Variants in NSL1 observed in about 807,000 individuals in gnomAD.
NSL1 encodes the protein NSL1 component of MIS12 kinetochore complex, also known as kinetochore-associated protein NSL1 homolog.
NSL1 carries 11 observed loss-of-function variants against 25.4 expected under a neutral mutation model. The ratio of observed to expected loss-of-function variants is 0.43; its 90% CI spans 0.27 to 0.72. NSL1 has a LOEUF of 0.72. NSL1 is among the 30% of genes least tolerant of loss of function. The pLI is 0.19. For missense variants in NSL1, 330 were observed against 342.7 expected, an observed-to-expected ratio of 0.96 and a Z score of 0.29; for synonymous variants, 118 against 120.6, an observed-to-expected ratio of 0.98 and a Z score of 0.14.
rs75330950 is a variant in NSL1 at position 212,787,007 on chromosome 1, T to C, written c.313+552A>G. Among the ~76,000 whole-genome samples, 859 of 146,062 alleles carry C rather than the reference T, an allele frequency of 5.9e-3. 10 individuals are homozygous for C. Among genetic ancestry groups the C allele is most frequent in the African/African-American group, 0.021 (819 of 39,412 alleles). On this transcript the variant is annotated intron_variant, in intron 2 of 5. Transcript: ENST00000366977. ...ATGAAACCCTGTCCTCTACCAAAAA[T>C]ACAAGTTAGCCAGGCGTGGTGGCCA...
intron 4 of NSL1, among the ~76,000 whole-genome samples, chr1:212,779,056 C>CG (rs1055158921): frequency 1.3e-5 from 2 of 149,758 alleles, no homozygotes; most frequent in African/African-American, 4.9e-5. Context: ...CGGCCACGAC[C>CG]CCATCTAGGA....
intron 4 of NSL1, among the ~76,000 whole-genome samples, chr1:212,751,390 G>T (rs1378024873): frequency 6.6e-6 from 1 of 152,152 alleles, no homozygotes; most frequent in Non-Finnish European, 1.5e-5. Context: ...AATGTATCTA[G>T]ACTTGAATAA....
intron 4 of NSL1, among the ~76,000 whole-genome samples, chr1:212,762,930 A>C (rs56243109): frequency 0.18 from 28,027 of 152,108 alleles, 2,989 homozygotes; most frequent in African/African-American, 0.3. Context: ...TTTGCGATAT[A>C]ATCTTGAGTA....
chr1:212,785,716 T>C (rs955246682), intron 2 of NSL1, among the ~76,000 whole-genome samples: 2 of 152,080 alleles, frequency 1.3e-5, no homozygotes, highest in African/African-American at 4.8e-5. Flanking sequence ...TTTTAAAGAG[T>C]AAAAATACTA....
chr1:212,729,131 G>A lies in NSL1; in HGVS notation c.*9277C>T, dbSNP rs909404490. On this transcript the variant is annotated 3_prime_UTR_variant, in exon 6 of 6. Coordinates refer to ENST00000366977, the MANE Select transcript of NSL1 (RefSeq NM_015471.4). ...TACAGGAATATATTAGTGTTCCATCGTAGTTTCTAAAACCAGACAAAATCA... is the reference window on the plus strand; with the variant it reads ...TACAGGAATATATTAGTGTTCCATCATAGTTTCTAAAACCAGACAAAATCA... The A allele has an allele frequency of 7.1e-6, 7 of 985,402 alleles. No individual in the cohort carries two copies. The highest frequency in any genetic ancestry group is 7.0e-5 in the African/African-American group (4 of 57,340). The allele number at this position is 985,402 out of a possible 1,614,324, so 61.0% of individuals were successfully genotyped here.
chr1:212,755,142 G>T (rs1318412717), intron 4 of NSL1, among the ~76,000 whole-genome samples: 1 of 152,074 alleles, frequency 6.6e-6, no homozygotes, highest in Non-Finnish European at 1.5e-5. Context: ...TCAGGGAGAG[G>T]AATTTACTGC....
At chr1:212,789,393 G>A (rs996250034) in intron 1 of NSL1, among the ~76,000 whole-genome samples, 7 of 152,098 alleles carry the variant, frequency 4.6e-5, no homozygotes, top group African/African-American at 9.7e-5. Context: ...TGTATTTTTA[G>A]TATAGACAGG....
intron 4 of NSL1, among the ~76,000 whole-genome samples, chr1:212,772,012 C>T (rs1311019165): frequency 6.6e-6 from 1 of 152,146 alleles, no homozygotes; most frequent in African/African-American, 2.4e-5. Context: ...TGAATAAATT[C>T]TCATGAGATC....
intron 4 of NSL1, chr1:212,766,143 AAAAAAC>A (rs1470043289): frequency 5.8e-5 from 31 of 533,404 alleles, no homozygotes; most frequent in East Asian, 1.3e-4. Context: ...CTCAAAAAAA[AAAAAAC>A]AAAAAAACCC....
chr1:212,778,712 C>T (rs543874280), intron 4 of NSL1, among the ~76,000 whole-genome samples: 16 of 151,784 alleles, frequency 1.1e-4, no homozygotes, highest in South Asian at 2.1e-4. Context: ...TCAATGGTGC[C>T]CAGGCTGGAG....
At chr1:212,766,706 T>G (rs924434554) in intron 4 of NSL1, among the ~76,000 whole-genome samples, 5 of 149,960 alleles carry the variant, frequency 3.3e-5, no homozygotes, top group Non-Finnish European at 7.4e-5. Flanking sequence ...GCTCCTAGAT[T>G]GGATAAATAA....
At chr1:212,744,552 A>G (rs771255064) in intron 4 of NSL1, among the ~76,000 whole-genome samples, 60 of 152,380 alleles carry the variant, frequency 3.9e-4, no homozygotes, top group South Asian at 6.2e-4. Context: ...GGAGGTTCAG[A>G]CACTGGACTG....
In NSL1 at chr1:212,735,639, G is replaced by T; in HGVS notation, c.*2769C>A. ...GCCTATAGCTGTATTTGGAGATGGG[G>T]CCTCTAAGGAAATAATTAAGGTTAA... On this transcript the variant is annotated 3_prime_UTR_variant, in exon 6 of 6. Coordinates refer to ENST00000366977, the MANE Select transcript of NSL1 (RefSeq NM_015471.4). The T allele has an allele frequency of 1.7e-6, 1 of 587,296 alleles. No homozygotes were observed. Among genetic ancestry groups the T allele is most frequent in the Middle Eastern group, 8.5e-4 (1 of 1,176 alleles). 36.4% of individuals were successfully genotyped at this position (587,296 alleles called of 1,614,324 possible). A position where few individuals can be genotyped will look rare whatever the true frequency, so the allele number is the denominator to read the frequency against.
intron 3 of NSL1, 27 bp downstream of exon 3, chr1:212,784,336 T>C: frequency 6.7e-7 from 1 of 1,489,364 alleles, no homozygotes; most frequent in Non-Finnish European, 9.2e-7. Flanking sequence ...AAATATACTA[T>C]AACATTTTAA....
At position 212,727,575 on chromosome 1, in the gene NSL1, A is replaced by G. The variant is rs1657839289; in HGVS notation, c.*10833T>C. 1.0e-6 allele frequency: 1 copy of G among 985,426 alleles called. No homozygotes were observed. The highest frequency in any genetic ancestry group is 1.2e-6 in the Non-Finnish European group (1 of 829,926). 61.0% of individuals were successfully genotyped at this position (985,426 alleles called of 1,614,324 possible). ...CGTGTGCCACATACTTCTCTCAAAAACTTTATGACTCAGTTGTCTGGAAGT... is the reference window on the plus strand; with the variant it reads ...CGTGTGCCACATACTTCTCTCAAAAGCTTTATGACTCAGTTGTCTGGAAGT... On this transcript the variant is annotated 3_prime_UTR_variant, in exon 6 of 6. Coordinates refer to ENST00000366977, the MANE Select transcript of NSL1 (RefSeq NM_015471.4).
At position 212,735,398 on chromosome 1, in the gene NSL1, A is replaced by G; in HGVS notation, c.*3010T>C. ...TAGGTGTTCACCAGAAATCAAACAA[A>G]TTCAGCCTTAGAAAAGAAAAAGTAC... On this transcript the variant is annotated 3_prime_UTR_variant, in exon 6 of 6. Transcript: ENST00000366977. 7 of 985,446 alleles carry G rather than the reference A, an allele frequency of 7.1e-6. No homozygotes were observed. Among genetic ancestry groups the G allele is most frequent in the Non-Finnish European group, 8.4e-6 (7 of 829,930 alleles). The allele number at this position is 985,446 out of a possible 1,614,324, so 61.0% of individuals were successfully genotyped here.
intron 4 of NSL1, among the ~76,000 whole-genome samples, chr1:212,743,083 A>ACTTT (rs1363053578): frequency 6.6e-6 from 1 of 152,232 alleles, no homozygotes; most frequent in African/African-American, 2.4e-5. Context: ...TTAGGAAAAA[A>ACTTT]CAGGTATGAA....
At position 212,736,701 on chromosome 1, in the gene NSL1, T is replaced by A. The variant is rs1156655002; in HGVS notation, c.*1707A>T. 50 of 984,050 alleles carry A rather than the reference T, an allele frequency of 5.1e-5. No individual in the cohort carries two copies. Among genetic ancestry groups the A allele is most frequent in the Admixed American group, 6.1e-5 (1 of 16,264 alleles). The allele number at this position is 984,050 out of a possible 1,614,324, so 61.0% of individuals were successfully genotyped here. A position where few individuals can be genotyped will look rare whatever the true frequency, so the allele number is the denominator to read the frequency against. ...GGGACTTTAAAATATAACCATTTTT[T>A]AAAAACTTATAAAAATTTCCAACAC... On this transcript the variant is annotated 3_prime_UTR_variant, in exon 6 of 6. Transcript: ENST00000366977.
intron 4 of NSL1, among the ~76,000 whole-genome samples, chr1:212,765,129 G>A (rs1469310036): frequency 3.9e-5 from 6 of 151,970 alleles, no homozygotes; most frequent in Admixed American, 3.9e-4. Context: ...AGGACCAGGT[G>A]GATTCACAGC....
Sources: allele counts gnomAD v4.1 joint callset (sites outside exome capture counted in the v4.1 genomes callset), GRCh38; gene constraint gnomAD v4.1.1; transcripts MANE v1.5; gene names NCBI Gene and HGNC (gene_info 2026-07-23, HGNC 2026-07-21).